The following E2F3 variants were observed in gnomAD, a reference collection of about 807,000 sequenced individuals.
The protein encoded by E2F3 is transcription factor E2F3.
E2F3 carries 11 observed loss-of-function variants against 44.4 expected under a neutral mutation model. The ratio of observed to expected loss-of-function variants is 0.25; its 90% CI spans 0.16 to 0.41. The LOEUF (loss-of-function observed/expected upper bound fraction) is 0.41, where lower values mean the gene tolerates loss of function less well. Among genes scored for constraint, E2F3 ranks in the 10% least tolerant of loss-of-function variants. The pLI is 1.00. For synonymous variants in E2F3, 249 were observed against 253.0 expected, an observed-to-expected ratio of 0.98 and a Z score of 0.15; for missense variants, 487 against 583.6, an observed-to-expected ratio of 0.83 and a Z score of 1.70.
rs559471938 is a variant in E2F3 at position 20,430,441 on chromosome 6, C to T, written c.393+27816C>T. Reference sequence around the variant, plus strand: ...TTACAAAGTATTAAGTAATAAATCTCGTATAGTTATTTGCCAAAGAGAAGG... The same window carrying T: ...TTACAAAGTATTAAGTAATAAATCTTGTATAGTTATTTGCCAAAGAGAAGG... On this transcript the variant is annotated intron_variant, in intron 1 of 6. Coordinates refer to ENST00000346618, the MANE Select transcript of E2F3 (RefSeq NM_001949.5). Among the ~76,000 whole-genome samples the T allele has an allele frequency of 5.3e-5, 8 of 152,182 alleles. No homozygotes were observed. The East Asian group carries it at 1.3e-3, about 26-fold the overall frequency.
chr6:20,404,794 T>G (rs1301328460), intron 1 of E2F3, among the ~76,000 whole-genome samples: 3 of 152,166 alleles, frequency 2.0e-5, no homozygotes, highest in Non-Finnish European at 2.9e-5. Flanking sequence ...CATAGCAGTA[T>G]CCGGTGTGCT....
chr6:20,428,242 G>GA (rs889630599), intron 1 of E2F3, among the ~76,000 whole-genome samples: 1 of 150,900 alleles, frequency 6.6e-6, no homozygotes, highest in African/African-American at 2.4e-5. Context: ...TTTATTTTTT[G>GA]AGATGGATTC....
At chr6:20,403,796 A>G in intron 1 of E2F3, 2 of 1,493,566 alleles carry the variant, frequency 1.3e-6, no homozygotes, top group Non-Finnish European at 1.8e-6. Context: ...CTCCCCCCGG[A>G]GCCAGGCTGG....
At chr6:20,456,313 T>TAAAAAAAA (rs76985100) in intron 1 of E2F3, among the ~76,000 whole-genome samples, 1 of 137,134 alleles carries the variant, frequency 7.3e-6, no homozygotes. Flanking sequence ...GTCCCCCAGT[T>TAAAAAAAA]AAAAAAAAAA....
chr6:20,486,933 C>T (rs1762412684), intron 5 of E2F3, 130 bp downstream of exon 5: 1 of 603,624 alleles, frequency 1.7e-6, no homozygotes, highest in Non-Finnish European at 2.9e-6. Context: ...ATTTATTTTA[C>T]TTAACCATAC....
chr6:20,439,776 C>T (rs1479218743), intron 1 of E2F3, among the ~76,000 whole-genome samples: 1 of 152,174 alleles, frequency 6.6e-6, no homozygotes, highest in Non-Finnish European at 1.5e-5. Context: ...AATCCTCCTG[C>T]CTCGGCCTCC....
chr6:20,484,149 C>T (rs1236297394), intron 4 of E2F3, among the ~76,000 whole-genome samples: 1 of 152,138 alleles, frequency 6.6e-6, no homozygotes, highest in African/African-American at 2.4e-5. Context: ...GGACATGTGG[C>T]TTATGGCATT....
At chr6:20,446,410 C>T (rs1760946353) in intron 1 of E2F3, among the ~76,000 whole-genome samples, 1 of 152,200 alleles carries the variant, frequency 6.6e-6, no homozygotes, top group Non-Finnish European at 1.5e-5. Context: ...GATTTATCCT[C>T]AAAGGCATTA....
intron 1 of E2F3, among the ~76,000 whole-genome samples, chr6:20,479,435 G>C (rs770582375): frequency 3.2e-4 from 48 of 152,200 alleles, no homozygotes; most frequent in Non-Finnish European, 5.3e-4. Context: ...CACAAGGAAG[G>C]GGGTCCAACC....
chr6:20,448,345 G>T (rs1282703822), intron 1 of E2F3, among the ~76,000 whole-genome samples: 1 of 152,152 alleles, frequency 6.6e-6, no homozygotes, highest in Non-Finnish European at 1.5e-5. Flanking sequence ...CCATACAGGA[G>T]AAATTGGCTG....
intron 1 of E2F3, among the ~76,000 whole-genome samples, chr6:20,445,499 A>G (rs1760913978): frequency 6.6e-6 from 1 of 151,942 alleles, no homozygotes; most frequent in Non-Finnish European, 1.5e-5. Flanking sequence ...CGGCCTCTCC[A>G]TTTTCTAAGA....
chr6:20,418,542 T>TA (rs1759924336), intron 1 of E2F3, among the ~76,000 whole-genome samples: 2 of 152,238 alleles, frequency 1.3e-5, no homozygotes, highest in African/African-American at 4.8e-5. Flanking sequence ...ATCAGAGTTC[T>TA]AAAGGCGGAC....
At chr6:20,403,775 C>T (rs1449765250) in intron 1 of E2F3, 9 of 1,499,436 alleles carry the variant, frequency 6.0e-6, no homozygotes, top group African/African-American at 1.4e-5. Flanking sequence ...CCTCTCCAGC[C>T]GGCCCCCCAC....
chr6:20,405,344 A>ATTTTT (rs150647270), intron 1 of E2F3, among the ~76,000 whole-genome samples: 1 of 108,202 alleles, frequency 9.2e-6, no homozygotes, highest in Non-Finnish European at 1.9e-5. Context: ...GGTTATCTGC[A>ATTTTT]TTTTTTTTTT....
chr6:20,424,446 G>A (rs1312875942), intron 1 of E2F3, among the ~76,000 whole-genome samples: 2 of 152,042 alleles, frequency 1.3e-5, no homozygotes, highest in South Asian at 2.1e-4. Context: ...GTGTGCATGT[G>A]TGTCTGTGTT....
Position 20,490,490 on chromosome 6 carries a change from T to A in E2F3, c.*60T>A. On this transcript the variant is annotated 3_prime_UTR_variant, in exon 7 of 7. Transcript: ENST00000346618. This position sits in a 1 kb window ranked among gnomAD's most constrained non-coding sequence, Gnocchi z 4.3. ...ATTTTTTTATCATGGAACCAGAACA[T>A]CTGTCATGCAGTGTTGTCCCTTCCT... 4 of 1,502,846 alleles carry A rather than the reference T, an allele frequency of 2.7e-6. No individual in the cohort carries two copies. Among genetic ancestry groups the A allele is most frequent in the Non-Finnish European group, 3.6e-6 (4 of 1,119,252 alleles). The allele number at this position is 1,502,846 out of a possible 1,614,324, so 93.1% of individuals were successfully genotyped here. A position where few individuals can be genotyped will look rare whatever the true frequency, so the allele number is the denominator to read the frequency against.
intron 4 of E2F3, among the ~76,000 whole-genome samples, chr6:20,486,261 C>A (rs557368792): frequency 3.4e-4 from 51 of 152,170 alleles, no homozygotes; most frequent in Non-Finnish European, 5.4e-4. Context: ...ATTTGCACAT[C>A]CAGAAGGGGA....
At chr6:20,486,843 G>C (rs747235871) in intron 5 of E2F3, 40 bp downstream of exon 5, 1 of 1,341,078 alleles carries the variant, frequency 7.5e-7, no homozygotes, top group Admixed American at 2.0e-5. Context: ...AAAGATCTTT[G>C]TGGAATGCCT....
At chr6:20,403,804 TG>T in intron 1 of E2F3, 2 of 1,495,868 alleles carry the variant, frequency 1.3e-6, no homozygotes, top group Non-Finnish European at 8.9e-7. Context: ...GGAGCCAGGC[TG>T]GTTTCGGAAA....
Sources: gnomAD v4.1 joint callset for allele counts (sites outside exome capture counted in the v4.1 genomes callset) on GRCh38, gnomAD v4.1.1 for gene constraint, Gnocchi (gnomAD v3.1) non-coding constraint, MANE v1.5 for transcripts, NCBI Gene and HGNC (gene_info 2026-07-23, HGNC 2026-07-21) for gene names.